Variants in MDGA2 observed in about 807,000 individuals in gnomAD.
MDGA2 encodes the protein MAM domain-containing glycosylphosphatidylinositol anchor protein 2.
MDGA2 carries 40 observed loss-of-function variants against 117.8 expected under a neutral mutation model. The ratio of observed to expected loss-of-function variants is 0.34; its 90% CI spans 0.26 to 0.44. MDGA2 has a LOEUF of 0.44. Ranked by LOEUF, MDGA2 falls within the 20% of genes least tolerant of loss-of-function variation. The pLI, the probability that MDGA2 is intolerant of heterozygous loss-of-function variation, is 1.00. For synonymous variants in MDGA2, 452 were observed against 439.0 expected, an observed-to-expected ratio of 1.03 and a Z score of -0.37; for missense variants, 1,123 against 1,250.6, an observed-to-expected ratio of 0.90 and a Z score of 1.54.
Position 47,271,683 on chromosome 14 carries a change from T to TTTAGACATAAAACATCAATAATG in MDGA2, c.420+29705_420+29727dup, listed in dbSNP as rs564150807. On this transcript the variant is annotated intron_variant, in intron 2 of 16. Transcript: ENST00000399232. ...GCTACAGAGACCATTCTTTTCTCCC[T>TTTAGACATAAAACATCAATAATG]TTAGACATAAAACATCAATAATGTT... Among the ~76,000 whole-genome samples the TTTAGACATAAAACATCAATAATG allele has an allele frequency of 2.7e-3, 416 of 152,228 alleles. 2 individuals carry two copies. The highest frequency in any genetic ancestry group is 9.8e-3 in the African/African-American group (405 of 41,530).
At chr14:47,602,478 T>A (rs1896666460) in intron 1 of MDGA2, among the ~76,000 whole-genome samples, 2 of 150,626 alleles carry the variant, frequency 1.3e-5, no homozygotes, top group Admixed American at 6.6e-5. Flanking sequence ...AAAAAAAAAA[T>A]CACAATTTTT....
At chr14:46,888,044 G>A (rs186671842) in intron 10 of MDGA2, among the ~76,000 whole-genome samples, 1 of 151,784 alleles carries the variant, frequency 6.6e-6, no homozygotes, top group Admixed American at 6.6e-5. Flanking sequence ...CAGGAGATAC[G>A]TTGATGTTGT....
In MDGA2 at chr14:47,277,845, C is replaced by A. The variant is rs189848048; in HGVS notation, c.420+23566G>T. Among the ~76,000 whole-genome samples the A allele has an allele frequency of 3.9e-5, 6 of 152,216 alleles. No homozygotes were observed. In the East Asian group the frequency reaches 1.2e-3, roughly 29 times the overall value. Reference sequence around the variant, plus strand: ...GAGTACTTACTGACAATTGCCCAACCCCGCCAGTTTCCTGGAAATGCTGAT... The same window carrying A: ...GAGTACTTACTGACAATTGCCCAACACCGCCAGTTTCCTGGAAATGCTGAT... On this transcript the variant is annotated intron_variant, in intron 2 of 16. Transcript: ENST00000399232.
chr14:47,538,857 C>A (rs1895278462), intron 1 of MDGA2, among the ~76,000 whole-genome samples: 1 of 152,174 alleles, frequency 6.6e-6, no homozygotes, highest in Non-Finnish European at 1.5e-5. Flanking sequence ...CATATTCTCT[C>A]TCTCCCATAT....
chr14:46,966,617 A>G (rs1368342255), intron 8 of MDGA2, among the ~76,000 whole-genome samples: 1 of 152,170 alleles, frequency 6.6e-6, no homozygotes, highest in Non-Finnish European at 1.5e-5. Flanking sequence ...TAATTTTGGT[A>G]TTACCCATAT....
intron 1 of MDGA2, among the ~76,000 whole-genome samples, chr14:47,430,672 T>C (rs1250290919): frequency 6.6e-6 from 1 of 152,142 alleles, no homozygotes; most frequent in Non-Finnish European, 1.5e-5. Context: ...TGTTTCTGTT[T>C]AAACATATAA....
intron 1 of MDGA2, among the ~76,000 whole-genome samples, chr14:47,571,389 C>A (rs1896016330): frequency 6.6e-6 from 1 of 152,158 alleles, no homozygotes; most frequent in African/African-American, 2.4e-5. Context: ...TTTGACACAG[C>A]AATCCCATTA....
intron 2 of MDGA2, among the ~76,000 whole-genome samples, chr14:47,246,105 T>C (rs1347194442): frequency 1.3e-5 from 2 of 151,852 alleles, no homozygotes; most frequent in Non-Finnish European, 2.9e-5. Context: ...TGCTCTTCCC[T>C]CGGCAGCCCA....
intron 1 of MDGA2, among the ~76,000 whole-genome samples, chr14:47,649,898 G>C (rs1897606992): frequency 6.6e-6 from 1 of 152,080 alleles, no homozygotes; most frequent in Non-Finnish European, 1.5e-5. Context: ...AAAGTTGGGA[G>C]AGAGGTAGAG....
At chr14:47,055,754 T>A (rs1889652689) in intron 7 of MDGA2, among the ~76,000 whole-genome samples, 1 of 152,158 alleles carries the variant, frequency 6.6e-6, no homozygotes, top group East Asian at 1.9e-4. Context: ...AAAGTATTAT[T>A]GGAACACAGC....
chr14:46,961,115 T>G (rs1269798263), intron 8 of MDGA2, among the ~76,000 whole-genome samples: 2 of 152,082 alleles, frequency 1.3e-5, no homozygotes, highest in African/African-American at 2.4e-5. Context: ...AATGTCTTTT[T>G]TTTCCTCCAG....
In MDGA2 at chr14:47,294,445, A is replaced by G. The variant is rs1594778417; in HGVS notation, c.420+6966T>C. Among the ~76,000 whole-genome samples the G allele has an allele frequency of 2.6e-5, 4 of 152,052 alleles. No individual in the cohort carries two copies. In the South Asian group the frequency reaches 6.2e-4, roughly 24 times the overall value. ...AAATGTTTGGATGCTTATCCTAAAC[A>G]TTTTCCACATCTTATCCAAAGATTA... On this transcript the variant is annotated intron_variant, in intron 2 of 16. Transcript: ENST00000399232.
At chr14:47,116,265 G>A (rs1881325744) in intron 5 of MDGA2, among the ~76,000 whole-genome samples, 1 of 151,932 alleles carries the variant, frequency 6.6e-6, no homozygotes, top group Non-Finnish European at 1.5e-5. Flanking sequence ...GGTGAAACAG[G>A]GCACAAACAA....
chr14:46,965,841 T>C lies in MDGA2; in HGVS notation c.1820-8198A>G, dbSNP rs1198073868. ...ATGGCATAAAATTTATTCAGAATGTTTTTATGAAGTATTCAACATGAAGGA... is the reference window on the plus strand; with the variant it reads ...ATGGCATAAAATTTATTCAGAATGTCTTTATGAAGTATTCAACATGAAGGA... On this transcript the variant is annotated intron_variant, in intron 8 of 16. Coordinates refer to ENST00000399232, the MANE Select transcript of MDGA2 (RefSeq NM_001113498.3). 2.0e-5 allele frequency among the ~76,000 whole-genome samples: 3 copies of C among 152,274 alleles called. No individual in the cohort carries two copies. In the South Asian group the frequency reaches 6.2e-4, roughly 32 times the overall value.
intron 1 of MDGA2, among the ~76,000 whole-genome samples, chr14:47,565,924 G>T (rs567455074): frequency 6.6e-6 from 1 of 152,310 alleles, no homozygotes. Context: ...TGGCAGCAAT[G>T]GTAGTTTGGA....
rs995539304 is a variant in MDGA2, at chr14:46,855,624, CAGA to C, written c.2753-473_2753-471del. Among the ~76,000 whole-genome samples, 2 of 152,232 alleles carry C rather than the reference CAGA, an allele frequency of 1.3e-5. No homozygotes were observed. Among genetic ancestry groups the C allele is most frequent in the Admixed American group, 6.5e-5 (1 of 15,272 alleles). On this transcript the variant is annotated intron_variant, in intron 14 of 16. Coordinates refer to ENST00000399232, the MANE Select transcript of MDGA2 (RefSeq NM_001113498.3). This position sits in a 1 kb window ranked among gnomAD's most constrained non-coding sequence, Gnocchi z 4.1. ...GGAAAGGGCTTCTTTCCTGGAGCTT[CAGA>C]AGAAGTCAGCCCTGCTGACATCTTG...
intron 10 of MDGA2, among the ~76,000 whole-genome samples, chr14:46,890,120 C>T (rs1209046158): frequency 6.6e-6 from 1 of 151,892 alleles, no homozygotes; most frequent in Non-Finnish European, 1.5e-5. Flanking sequence ...TTTTTCTCCC[C>T]CAGCCACCTC....
chr14:47,416,822 T>G (rs1892485549), intron 1 of MDGA2, among the ~76,000 whole-genome samples: 1 of 152,162 alleles, frequency 6.6e-6, no homozygotes, highest in Non-Finnish European at 1.5e-5. Flanking sequence ...TAAAGAGCAC[T>G]ATGCCAGAGT....
chr14:47,486,014 G>C (rs932609290), intron 1 of MDGA2, among the ~76,000 whole-genome samples: 2 of 152,202 alleles, frequency 1.3e-5, no homozygotes, highest in African/African-American at 4.8e-5. Flanking sequence ...GCACTGCCTA[G>C]TGCAGCTGTG....
Sources: gnomAD v4.1 joint callset for allele counts (sites outside exome capture counted in the v4.1 genomes callset) on GRCh38, gnomAD v4.1.1 for gene constraint, Gnocchi (gnomAD v3.1) non-coding constraint, MANE v1.5 for transcripts, NCBI Gene and HGNC (gene_info 2026-07-23, HGNC 2026-07-21) for gene names.